Variants in CPPED1 observed in about 807,000 individuals in gnomAD.
The protein encoded by CPPED1 is serine/threonine-protein phosphatase CPPED1.
Under a neutral mutation model 28.0 loss-of-function variants are expected in CPPED1, and 28 were observed. The observed-to-expected ratio is 1.00, with a 90% CI of 0.74 to 1.37. The LOEUF is 1.37. Ranked by LOEUF, CPPED1 falls within the 40% of genes most tolerant of loss-of-function variation. CPPED1 has a pLI of 0.00. For synonymous variants in CPPED1, 198 were observed against 180.2 expected (o/e 1.10, Z -0.79); for missense variants, 504 against 416.5 (o/e 1.21, Z -1.83).
chr16:12,718,996 C>T (rs1426224684), intron 2 of CPPED1, among the ~76,000 whole-genome samples: 2 of 151,990 alleles, frequency 1.3e-5, no homozygotes, highest in Non-Finnish European at 2.9e-5. Flanking sequence ...TTTCATGTGG[C>T]TGGGGAGGCC....
intron 2 of CPPED1, among the ~76,000 whole-genome samples, chr16:12,710,113 A>G (rs1270279052): frequency 6.6e-6 from 1 of 152,236 alleles, no homozygotes; most frequent in East Asian, 1.9e-4. Flanking sequence ...TAATCTACAA[A>G]AAACAAAAGA....
At chr16:12,706,172 T>G (rs1337233961) in intron 2 of CPPED1, among the ~76,000 whole-genome samples, 4 of 152,052 alleles carry the variant, frequency 2.6e-5, no homozygotes, top group African/African-American at 9.7e-5. Context: ...TATAGTAAGT[T>G]AATAATATAA....
At chr16:12,691,320 T>C (rs372569132) in intron 3 of CPPED1, among the ~76,000 whole-genome samples, 5 of 152,226 alleles carry the variant, frequency 3.3e-5, no homozygotes, top group African/African-American at 1.2e-4. Context: ...TCTCACTCTG[T>C]CACCCAGGCT....
At chr16:12,785,426 CTTTTT>C (rs796796663) in intron 1 of CPPED1, among the ~76,000 whole-genome samples, 3 of 124,712 alleles carry the variant, frequency 2.4e-5, no homozygotes, top group Non-Finnish European at 3.4e-5. Context: ...AACGTGAATT[CTTTTT>C]TTTTTTTTTT....
At chr16:12,795,344 T>C (rs1402480777) in intron 1 of CPPED1, among the ~76,000 whole-genome samples, 2 of 151,622 alleles carry the variant, frequency 1.3e-5, no homozygotes, top group Admixed American at 6.6e-5. Context: ...GGTGTAGTCA[T>C]GCAACTTTTT....
intron 3 of CPPED1, among the ~76,000 whole-genome samples, chr16:12,704,027 C>A (rs1236730918): frequency 6.6e-6 from 1 of 152,178 alleles, no homozygotes; most frequent in Admixed American, 6.5e-5. Flanking sequence ...ACTTAATCTA[C>A]CTTGGCAGAG....
At position 12,670,097 on chromosome 16, in the gene CPPED1, G is replaced by A. The variant is rs560391516; in HGVS notation, c.716-4982C>T. On this transcript the variant is annotated intron_variant, in intron 3 of 3. Transcript: ENST00000381774. The surrounding 1 kb of genome is among the most constrained non-coding windows in gnomAD (Gnocchi z 4.2). ...GAGGATCGCTTGAGGCCAGGAGTTC[G>A]ACCAGCCTGGGCAACACAGTGAGAT... Among the ~76,000 whole-genome samples, 11 of 152,198 alleles carry A rather than the reference G, an allele frequency of 7.2e-5. No individual in the cohort carries two copies. The highest frequency in any genetic ancestry group is 2.4e-4 in the African/African-American group (10 of 41,526).
chr16:12,774,350 C>T (rs1308468933), intron 2 of CPPED1, among the ~76,000 whole-genome samples: 1 of 151,894 alleles, frequency 6.6e-6, no homozygotes, highest in African/African-American at 2.4e-5. Context: ...CGCCTGTAAT[C>T]CCAGCTACTC....
intron 1 of CPPED1, among the ~76,000 whole-genome samples, chr16:12,791,443 C>T (rs368243842): frequency 8.3e-4 from 127 of 152,282 alleles, no homozygotes; most frequent in African/African-American, 3.0e-3. Context: ...GGCTCCCTCC[C>T]TAGATCTTGC....
At chr16:12,697,741 A>G (rs1246672876) in intron 3 of CPPED1, among the ~76,000 whole-genome samples, 2 of 152,168 alleles carry the variant, frequency 1.3e-5, no homozygotes, top group South Asian at 2.1e-4. Context: ...AGAGCCACAA[A>G]GCCCAAAATA....
At chr16:12,673,772 T>C (rs183771042) in intron 3 of CPPED1, among the ~76,000 whole-genome samples, 1 of 152,186 alleles carries the variant, frequency 6.6e-6, no homozygotes, top group African/African-American at 2.4e-5. Flanking sequence ...TGAGGCCGGG[T>C]GCGGTGGCTC....
rs148891962 is a variant in CPPED1 at position 12,679,827 on chromosome 16, C to T, written c.716-14712G>A. On this transcript the variant is annotated intron_variant, in intron 3 of 3. Coordinates refer to ENST00000381774, the MANE Select transcript of CPPED1 (RefSeq NM_018340.3). Reference sequence around the variant, plus strand: ...CTCCCCAAGAGCAGTGACAGACTGTCTCTGGAATTTCCTTATCTGACTAAG... The same window carrying T: ...CTCCCCAAGAGCAGTGACAGACTGTTTCTGGAATTTCCTTATCTGACTAAG... Among the ~76,000 whole-genome samples, 268 of 152,306 alleles carry T rather than the reference C, an allele frequency of 1.8e-3. 4 individuals are homozygous for T. Among genetic ancestry groups the T allele is most frequent in the African/African-American group, 6.2e-3 (258 of 41,578 alleles).
chr16:12,765,786 G>A (rs1393073717), intron 2 of CPPED1, among the ~76,000 whole-genome samples: 3 of 152,198 alleles, frequency 2.0e-5, no homozygotes, highest in Non-Finnish European at 2.9e-5. Flanking sequence ...CTAAATTCTG[G>A]GTTCGCGAAA....
At chr16:12,692,684 T>G (rs922747084) in intron 3 of CPPED1, among the ~76,000 whole-genome samples, 1 of 152,130 alleles carries the variant, frequency 6.6e-6, no homozygotes, top group Non-Finnish European at 1.5e-5. Flanking sequence ...GACAATAATG[T>G]GAATAAAAAT....
In CPPED1 at chr16:12,682,581, G is replaced by C. The variant is rs888082932; in HGVS notation, c.716-17466C>G. Among the ~76,000 whole-genome samples the C allele has an allele frequency of 3.3e-5, 5 of 152,118 alleles. No homozygotes were observed. Among genetic ancestry groups the C allele is most frequent in the Non-Finnish European group, 5.9e-5 (4 of 68,022 alleles). On this transcript the variant is annotated intron_variant, in intron 3 of 3. Coordinates refer to ENST00000381774, the MANE Select transcript of CPPED1 (RefSeq NM_018340.3). The surrounding 1 kb of genome is among the most constrained non-coding windows in gnomAD (Gnocchi z 6.1). ...GTGTGGCATGGGCAGCAACATATCT[G>C]AACTCCTCATTTGGAAGGCAAGACT...
chr16:12,800,979 A>G (rs2080655957), intron 1 of CPPED1, among the ~76,000 whole-genome samples: 1 of 152,154 alleles, frequency 6.6e-6, no homozygotes, highest in Non-Finnish European at 1.5e-5. Flanking sequence ...TACCTGGATT[A>G]TTACAAGCCT....
chr16:12,796,172 T>C (rs1256034973), intron 1 of CPPED1, among the ~76,000 whole-genome samples: 2 of 151,260 alleles, frequency 1.3e-5, no homozygotes, highest in African/African-American at 4.9e-5. Context: ...AGTGTACAGG[T>C]AGAAAAAGAC....
intron 3 of CPPED1, among the ~76,000 whole-genome samples, chr16:12,697,523 T>C (rs534202386): frequency 6.6e-6 from 1 of 152,212 alleles, no homozygotes; most frequent in South Asian, 2.1e-4. Flanking sequence ...CATCCTAAAC[T>C]TAGACACATA....
intron 2 of CPPED1, among the ~76,000 whole-genome samples, chr16:12,740,098 A>G (rs1166023531): frequency 1.3e-5 from 2 of 151,522 alleles, no homozygotes; most frequent in Non-Finnish European, 2.9e-5. Context: ...GAAAGGAAGG[A>G]AAGGAAGGAA....
Sources: gnomAD v4.1 joint callset for allele counts (sites outside exome capture counted in the v4.1 genomes callset) on GRCh38, gnomAD v4.1.1 for gene constraint, Gnocchi (gnomAD v3.1) non-coding constraint, MANE v1.5 for transcripts, NCBI Gene and HGNC (gene_info 2026-07-23, HGNC 2026-07-21) for gene names.